Variants in EYS observed in about 807,000 individuals in gnomAD.
The protein encoded by EYS is EGF-like photoreceptor maintenance factor.
A neutral mutation model predicts 282.1 loss-of-function variants in EYS; 250 were observed. That is an observed-to-expected ratio of 0.89 (90% CI 0.80 to 0.98). The LOEUF (loss-of-function observed/expected upper bound fraction) is 0.98, where lower values mean the gene tolerates loss of function less well. Ranked by LOEUF, EYS falls within the 50% of genes least tolerant of loss-of-function variation. The probability of loss-of-function intolerance (pLI) is 0.00; values close to 1 mark genes in which losing one functional copy is unlikely to be tolerated. For missense variants in EYS, 4,016 were observed against 3,709.0 expected (o/e 1.08, Z -2.15); for synonymous variants, 1,355 against 1,282.9 (o/e 1.06, Z -1.20).
chr6:65,116,783 G>A (rs1255500793), intron 12 of EYS, among the ~76,000 whole-genome samples: 1 of 152,034 alleles, frequency 6.6e-6, no homozygotes, highest in Admixed American at 6.6e-5. Context: ...AGCAGAATAG[G>A]GTTTGTGACT....
intron 28 of EYS, among the ~76,000 whole-genome samples, chr6:64,426,224 T>C (rs1226091511): frequency 1.3e-5 from 2 of 152,236 alleles, no homozygotes. Flanking sequence ...AGAGTGACCA[T>C]TGTCTCACAC....
At chr6:64,393,540 A>G (rs1041152656) in intron 28 of EYS, among the ~76,000 whole-genome samples, 28 of 152,166 alleles carry the variant, frequency 1.8e-4, no homozygotes, top group Non-Finnish European at 2.9e-4. Context: ...CCACATGATT[A>G]TCTCAATAGA....
intron 1 of EYS, among the ~76,000 whole-genome samples, chr6:65,643,815 G>A (rs1184850138): frequency 5.3e-5 from 8 of 152,030 alleles, no homozygotes; most frequent in South Asian, 2.1e-4. Flanking sequence ...CCAAAAAAGC[G>A]AAAACAATCA....
At chr6:64,066,276 TCAAAA>T in intron 33 of EYS, 57 bp downstream of exon 33, 1 of 1,448,134 alleles carries the variant, frequency 6.9e-7, no homozygotes, top group Non-Finnish European at 9.4e-7. Context: ...AGACTCCATC[TCAAAA>T]CAAACGAACA....
chr6:65,453,165 T>G (rs578205312), intron 5 of EYS, among the ~76,000 whole-genome samples: 1 of 152,166 alleles, frequency 6.6e-6, no homozygotes, highest in African/African-American at 2.4e-5. Flanking sequence ...GAAGTCCATA[T>G]ACAAACATAG....
At position 64,784,899 on chromosome 6, in the gene EYS, G is replaced by A. The variant is rs1286092375; in HGVS notation, c.3443+28479C>T. On this transcript the variant is annotated intron_variant, in intron 22 of 42. Coordinates refer to ENST00000503581, the MANE Select transcript of EYS (RefSeq NM_001142800.2). ...TACAGCCCTTAGATCAGTTGTATTC[G>A]AGGCCCCTTTTCTGCCCTCTGACTT... 2.0e-5 allele frequency among the ~76,000 whole-genome samples: 3 copies of A among 152,024 alleles called. No homozygotes were observed. The East Asian group carries it at 5.8e-4, about 30-fold the overall frequency.
At chr6:64,443,148 G>A (rs943421587) in intron 26 of EYS, among the ~76,000 whole-genome samples, 7 of 152,322 alleles carry the variant, frequency 4.6e-5, no homozygotes, top group Middle Eastern at 3.4e-3. Flanking sequence ...TTGCATCAGT[G>A]TGACTTGGAT....
intron 22 of EYS, among the ~76,000 whole-genome samples, chr6:64,673,775 C>A (rs1402427742): frequency 6.6e-6 from 1 of 151,918 alleles, no homozygotes; most frequent in East Asian, 1.9e-4. Flanking sequence ...ACAACTAAAC[C>A]ACATTCTTAC....
At chr6:64,585,633 C>T (rs180982476) in intron 26 of EYS, among the ~76,000 whole-genome samples, 1 of 152,176 alleles carries the variant, frequency 6.6e-6, no homozygotes, top group Admixed American at 6.6e-5. Flanking sequence ...CTCACAATCA[C>T]CCCTTGGATG....
At chr6:64,477,255 T>C (rs16895250) in intron 26 of EYS, among the ~76,000 whole-genome samples, 7,885 of 152,228 alleles carry the variant, frequency 0.052, 689 homozygotes, top group African/African-American at 0.18. Flanking sequence ...GCATCCTCTA[T>C]TTTGCTAATA....
chr6:64,502,051 A>T (rs1015749524), intron 26 of EYS, among the ~76,000 whole-genome samples: 2 of 152,192 alleles, frequency 1.3e-5, no homozygotes, highest in Non-Finnish European at 2.9e-5. Flanking sequence ...CAAATGAGTA[A>T]ATGCATGCTA....
intron 2 of EYS, among the ~76,000 whole-genome samples, chr6:65,592,286 G>T (rs1765259470): frequency 6.6e-6 from 1 of 151,830 alleles, no homozygotes; most frequent in African/African-American, 2.4e-5. Flanking sequence ...ATTTAGTTAA[G>T]TTAGAAGTTG....
chr6:64,582,591 T>TA (rs1766108601), intron 26 of EYS, among the ~76,000 whole-genome samples: 1 of 151,806 alleles, frequency 6.6e-6, no homozygotes, highest in South Asian at 2.1e-4. Context: ...GGTCTTTTTT[T>TA]TTTTTTTTGC....
chr6:65,283,783 T>A (rs1768286362), intron 12 of EYS, among the ~76,000 whole-genome samples: 1 of 152,120 alleles, frequency 6.6e-6, no homozygotes, highest in Non-Finnish European at 1.5e-5. Context: ...CATAAAGAAT[T>A]ATACTTTTCA....
intron 24 of EYS, among the ~76,000 whole-genome samples, chr6:64,595,182 G>A (rs2149834656): frequency 6.6e-6 from 1 of 152,114 alleles, no homozygotes; most frequent in African/African-American, 2.4e-5. Flanking sequence ...CAATATCAAG[G>A]ACAAAATCCA....
At chr6:65,315,385 A>G (rs932935133) in intron 11 of EYS, among the ~76,000 whole-genome samples, 1 of 152,200 alleles carries the variant, frequency 6.6e-6, no homozygotes, top group African/African-American at 2.4e-5. Context: ...CTGTAAAACT[A>G]TTCAAGTTAA....
intron 1 of EYS, among the ~76,000 whole-genome samples, chr6:65,667,095 A>G (rs1456367395): frequency 6.6e-6 from 1 of 151,828 alleles, no homozygotes; most frequent in Non-Finnish European, 1.5e-5. Flanking sequence ...GATTTTAAAA[A>G]TGCAAACACA....
At chr6:63,967,136 C>T (rs1766346290) in intron 35 of EYS, among the ~76,000 whole-genome samples, 1 of 152,152 alleles carries the variant, frequency 6.6e-6, no homozygotes, top group Non-Finnish European at 1.5e-5. Context: ...GACAGTTGGT[C>T]TGATAACCAA....
chr6:64,100,647 A>C (rs1772794165), intron 31 of EYS, among the ~76,000 whole-genome samples: 1 of 152,156 alleles, frequency 6.6e-6, no homozygotes, highest in Non-Finnish European at 1.5e-5. Flanking sequence ...GTAAACTTAC[A>C]TTTGCTTCTT....
Sources: gnomAD v4.1 joint callset for allele counts (sites outside exome capture counted in the v4.1 genomes callset) on GRCh38, gnomAD v4.1.1 for gene constraint, MANE v1.5 for transcripts, NCBI Gene and HGNC (gene_info 2026-07-23, HGNC 2026-07-21) for gene names.